GRM8: variants seen among roughly 807,000 people sequenced by gnomAD.
GRM8 encodes the protein metabotropic glutamate receptor 8.
Under a neutral mutation model 87.2 loss-of-function variants are expected in GRM8, and 47 were observed. The ratio of observed to expected loss-of-function variants is 0.54; its 90% CI spans 0.43 to 0.69. The LOEUF (loss-of-function observed/expected upper bound fraction) is 0.69, where lower values mean the gene tolerates loss of function less well. GRM8 is among the 30% of genes least tolerant of loss of function. The pLI is 0.00. For synonymous variants in GRM8, 396 were observed against 404.5 expected (o/e 0.98, Z 0.25); for missense variants, 1,019 against 1,139.2 (o/e 0.89, Z 1.52).
intron 7 of GRM8, among the ~76,000 whole-genome samples, chr7:126,652,357 C>G (rs7803165): frequency 0.67 from 101,153 of 151,886 alleles, 34,438 homozygotes; most frequent in Non-Finnish European, 0.73. Context: ...GTCGACAAGG[C>G]GTAGACTTAC....
intron 2 of GRM8, among the ~76,000 whole-genome samples, chr7:127,236,991 T>C (rs769500656): frequency 2.0e-5 from 3 of 152,178 alleles, no homozygotes; most frequent in African/African-American, 4.8e-5. Context: ...CACAAGCTGC[T>C]TGTTACTTGT....
intron 6 of GRM8, among the ~76,000 whole-genome samples, chr7:126,853,870 C>G (rs1797447192): frequency 6.6e-6 from 1 of 152,180 alleles, no homozygotes; most frequent in Non-Finnish European, 1.5e-5. Context: ...GTTATAAAAT[C>G]TGCTTTTCAC....
At chr7:126,829,564 C>T (rs1232630107) in intron 6 of GRM8, among the ~76,000 whole-genome samples, 3 of 150,702 alleles carry the variant, frequency 2.0e-5, no homozygotes, top group Non-Finnish European at 4.4e-5. Flanking sequence ...GGTAGATCTT[C>T]CTCCATCCTT....
intron 3 of GRM8, among the ~76,000 whole-genome samples, chr7:127,082,656 G>A (rs10253196): frequency 0.012 from 1,863 of 152,234 alleles, 35 homozygotes; most frequent in African/African-American, 0.042. Flanking sequence ...AACAATCTTA[G>A]CTGTTATTAG....
At chr7:127,140,980 G>A (rs1329754141) in intron 2 of GRM8, among the ~76,000 whole-genome samples, 3 of 152,068 alleles carry the variant, frequency 2.0e-5, no homozygotes, top group African/African-American at 7.3e-5. Context: ...TCCCAACTCA[G>A]AATTTGTGAC....
At chr7:127,018,288 A>T (rs778419902) in intron 3 of GRM8, among the ~76,000 whole-genome samples, 2 of 152,028 alleles carry the variant, frequency 1.3e-5, no homozygotes, top group Non-Finnish European at 2.9e-5. Flanking sequence ...ATGAGTAATA[A>T]AAAATAATAA....
intron 6 of GRM8, among the ~76,000 whole-genome samples, chr7:126,864,662 A>G (rs543010243): frequency 1.3e-5 from 2 of 152,234 alleles, no homozygotes; most frequent in African/African-American, 4.8e-5. Flanking sequence ...TTATTTTTTA[A>G]TGTCTCAGAT....
At chr7:126,908,896 A>C (rs1354668646) in intron 3 of GRM8, among the ~76,000 whole-genome samples, 1 of 152,190 alleles carries the variant, frequency 6.6e-6, no homozygotes, top group Non-Finnish European at 1.5e-5. Flanking sequence ...GTGCCTGTGT[A>C]TATTTTATTA....
chr7:126,816,901 G>A (rs1363053556), intron 6 of GRM8, among the ~76,000 whole-genome samples: 2 of 151,676 alleles, frequency 1.3e-5, no homozygotes, highest in African/African-American at 2.4e-5. Context: ...TTCTATTCAC[G>A]CTTCCATTAT....
At chr7:126,763,899 T>C (rs1163105822) in intron 7 of GRM8, among the ~76,000 whole-genome samples, 1 of 151,736 alleles carries the variant, frequency 6.6e-6, no homozygotes, top group South Asian at 2.1e-4. Context: ...GAAATGTCTC[T>C]CCGTTTTTTC....
chr7:126,708,477 A>T (rs1810770719), intron 7 of GRM8, among the ~76,000 whole-genome samples: 1 of 151,754 alleles, frequency 6.6e-6, no homozygotes, highest in South Asian at 2.1e-4. Flanking sequence ...AATCAGCCTA[A>T]GTGTCTGTCA....
At chr7:126,678,727 T>C (rs907138088) in intron 7 of GRM8, among the ~76,000 whole-genome samples, 10 of 152,160 alleles carry the variant, frequency 6.6e-5, no homozygotes, top group Non-Finnish European at 1.2e-4. Flanking sequence ...TTGACAGATA[T>C]CCAGGTTGCG....
At chr7:126,623,726 A>G (rs1329726129) in intron 7 of GRM8, among the ~76,000 whole-genome samples, 1 of 152,178 alleles carries the variant, frequency 6.6e-6, no homozygotes. Flanking sequence ...TGGATGCCAG[A>G]TCTGGAGACC....
At chr7:126,755,329 T>A (rs904730659) in intron 7 of GRM8, among the ~76,000 whole-genome samples, 3 of 151,960 alleles carry the variant, frequency 2.0e-5, no homozygotes, top group Non-Finnish European at 4.4e-5. Context: ...TTGGCTGAAG[T>A]TTATCTAGAA....
intron 2 of GRM8, among the ~76,000 whole-genome samples, chr7:127,209,641 TG>T (rs962468918): frequency 1.4e-4 from 21 of 152,104 alleles, no homozygotes; most frequent in African/African-American, 5.1e-4. Flanking sequence ...CTTTGGGGAT[TG>T]TAATGCACCC....
At chr7:127,114,044 G>A (rs754621606) in intron 2 of GRM8, among the ~76,000 whole-genome samples, 6 of 152,174 alleles carry the variant, frequency 3.9e-5, no homozygotes, top group Non-Finnish European at 8.8e-5. Flanking sequence ...CAAAAAAGAA[G>A]ATGGATGACT....
Position 126,892,684 on chromosome 7 carries a change from T to C in GRM8, c.1156+9858A>G, listed in dbSNP as rs1240370444. 3.9e-5 allele frequency among the ~76,000 whole-genome samples: 6 copies of C among 152,266 alleles called. No homozygotes were observed. The East Asian group carries it at 7.7e-4, about 20-fold the overall frequency. On this transcript the variant is annotated intron_variant, in intron 6 of 10. Coordinates refer to ENST00000339582, the MANE Select transcript of GRM8 (RefSeq NM_000845.3). Reference sequence around the variant, plus strand: ...GGTTGGCTGGGTCAAATGGTATTTCTAGTTCTAGATCCCTGAGGAATCACC... The same window carrying C: ...GGTTGGCTGGGTCAAATGGTATTTCCAGTTCTAGATCCCTGAGGAATCACC...
At chr7:126,762,708 G>A (rs929714736) in intron 7 of GRM8, among the ~76,000 whole-genome samples, 1 of 151,198 alleles carries the variant, frequency 6.6e-6, no homozygotes, top group African/African-American at 2.4e-5. Context: ...ATATATTGTT[G>A]GTGGGTTTTA....
intron 3 of GRM8, among the ~76,000 whole-genome samples, chr7:126,906,691 G>A (rs1802710986): frequency 6.6e-6 from 1 of 152,174 alleles, no homozygotes; most frequent in Admixed American, 6.5e-5. Flanking sequence ...AATATGTACA[G>A]CAGATGTATG....
Sources: allele counts gnomAD v4.1 joint callset (sites outside exome capture counted in the v4.1 genomes callset), GRCh38; gene constraint gnomAD v4.1.1; transcripts MANE v1.5; gene names NCBI Gene and HGNC (gene_info 2026-07-23, HGNC 2026-07-21).